DLC1: variants seen among roughly 807,000 people sequenced by gnomAD.
DLC1 encodes DLC1 Rho GTPase activating protein.
Under a neutral mutation model 140.3 loss-of-function variants are expected in DLC1, and 54 were observed. That is an observed-to-expected ratio of 0.38 (90% CI 0.31 to 0.48). The LOEUF (loss-of-function observed/expected upper bound fraction) is 0.48. Among genes scored for constraint, DLC1 ranks in the 20% least tolerant of loss-of-function variants. The probability of loss-of-function intolerance (pLI) is 0.96; values close to 1 mark genes in which losing one functional copy is unlikely to be tolerated. For synonymous variants in DLC1, 986 were observed against 728.1 expected (o/e 1.35, Z -5.70); for missense variants, 2,536 against 1,907.0 (o/e 1.33, Z -6.14).
chr8:13,200,666 A>G (rs564949969), intron 5 of DLC1, among the ~76,000 whole-genome samples: 1 of 151,902 alleles, frequency 6.6e-6, no homozygotes, highest in African/African-American at 2.4e-5. Context: ...CTGCAGTAGT[A>G]CAGTCATAAG....
At chr8:13,103,591 C>A (rs1819290337) in intron 7 of DLC1, among the ~76,000 whole-genome samples, 1 of 151,902 alleles carries the variant, frequency 6.6e-6, no homozygotes, top group African/African-American at 2.4e-5. Flanking sequence ...GTAATCCCAG[C>A]ACTTTGGGAG....
chr8:13,161,466 G>T (rs1412387664), intron 5 of DLC1, among the ~76,000 whole-genome samples: 1 of 151,952 alleles, frequency 6.6e-6, no homozygotes, highest in African/African-American at 2.4e-5. Flanking sequence ...CAGCCTCCCG[G>T]AGTAGCTGGG....
intron 5 of DLC1, among the ~76,000 whole-genome samples, chr8:13,265,617 T>G (rs1830653246): frequency 6.6e-6 from 1 of 152,072 alleles, no homozygotes; most frequent in Admixed American, 6.5e-5. Context: ...TGAGGCCGTT[T>G]ACCATCATCT....
chr8:13,371,136 T>G (rs1305241568), intron 4 of DLC1, among the ~76,000 whole-genome samples: 1 of 152,214 alleles, frequency 6.6e-6, no homozygotes, highest in Admixed American at 6.5e-5. Flanking sequence ...GTGGTCTTGT[T>G]TTTTTCCTTG....
At chr8:13,511,868 A>G (rs904754416) in intron 1 of DLC1, among the ~76,000 whole-genome samples, 3 of 152,148 alleles carry the variant, frequency 2.0e-5, no homozygotes, top group African/African-American at 7.2e-5. Flanking sequence ...GAAACAAAAA[A>G]CAAACAAAAG....
chr8:13,254,145 T>G (rs1342740726), intron 5 of DLC1, among the ~76,000 whole-genome samples: 1 of 150,766 alleles, frequency 6.6e-6, no homozygotes, highest in Non-Finnish European at 1.5e-5. Context: ...TCCTTCTCCC[T>G]CCTTTCCCCC....
intron 7 of DLC1, among the ~76,000 whole-genome samples, chr8:13,105,014 G>C (rs1420539536): frequency 6.6e-6 from 1 of 152,150 alleles, no homozygotes; most frequent in African/African-American, 2.4e-5. Flanking sequence ...TTAGGTCTGG[G>C]TTCCATTAAT....
intron 5 of DLC1, among the ~76,000 whole-genome samples, chr8:13,203,469 A>G (rs776084387): frequency 9.2e-5 from 14 of 152,214 alleles, no homozygotes; most frequent in Non-Finnish European, 1.8e-4. Flanking sequence ...AACCCTGGAA[A>G]GTTACCAAAA....
At chr8:13,417,701 TTTCTA>T (rs775763095) in intron 2 of DLC1, among the ~76,000 whole-genome samples, 26 of 152,300 alleles carry the variant, frequency 1.7e-4, no homozygotes, top group Middle Eastern at 3.4e-3. Context: ...AGCAGCATGA[TTTCTA>T]GTCCTTTGGG....
At chr8:13,272,394 T>G (rs1381036680) in intron 5 of DLC1, among the ~76,000 whole-genome samples, 1 of 151,900 alleles carries the variant, frequency 6.6e-6, no homozygotes. Context: ...TGAGCGGAGA[T>G]CATGCCACTG....
At chr8:13,352,982 A>C (rs1329482067) in intron 4 of DLC1, among the ~76,000 whole-genome samples, 2 of 152,192 alleles carry the variant, frequency 1.3e-5, no homozygotes, top group African/African-American at 4.8e-5. Context: ...TAACAAGCAA[A>C]GCCCTACCAT....
At chr8:13,471,375 C>G (rs1322630181) in intron 2 of DLC1, among the ~76,000 whole-genome samples, 1 of 151,366 alleles carries the variant, frequency 6.6e-6, no homozygotes, top group Non-Finnish European at 1.5e-5. Context: ...TTGATTGTGG[C>G]CATTATTCCA....
At chr8:13,430,986 A>G (rs1838835967) in intron 2 of DLC1, among the ~76,000 whole-genome samples, 2 of 152,228 alleles carry the variant, frequency 1.3e-5, no homozygotes, top group Admixed American at 1.3e-4. Flanking sequence ...AAAATTGAAA[A>G]CAACAAATGA....
At chr8:13,567,714 C>T (rs375292398) in intron 1 of DLC1, 2 of 1,551,946 alleles carry the variant, frequency 1.3e-6, no homozygotes, top group Admixed American at 2.0e-5. Context: ...AAGACTTTCT[C>T]ACCCGTATTG....
At chr8:13,125,022 G>A (rs1821432474) in intron 5 of DLC1, among the ~76,000 whole-genome samples, 2 of 150,490 alleles carry the variant, frequency 1.3e-5, no homozygotes, top group African/African-American at 2.5e-5. Flanking sequence ...TGTCACCCAC[G>A]CTGGAGTGCA....
chr8:13,596,836 A>G (rs1245953504), intron 1 of DLC1, among the ~76,000 whole-genome samples: 6 of 152,042 alleles, frequency 3.9e-5, no homozygotes, highest in African/African-American at 1.2e-4. Flanking sequence ...GTCATAGTCA[A>G]TGTCTTAATA....
chr8:13,418,370 C>T (rs1185798834), intron 2 of DLC1, among the ~76,000 whole-genome samples: 1 of 152,158 alleles, frequency 6.6e-6, no homozygotes, highest in African/African-American at 2.4e-5. Context: ...AGTCTTTAAT[C>T]CATCTTGAAT....
intron 5 of DLC1, among the ~76,000 whole-genome samples, chr8:13,241,055 G>GAGC (rs931739526): frequency 6.6e-6 from 1 of 152,150 alleles, no homozygotes; most frequent in African/African-American, 2.4e-5. Context: ...AAAAGAAGGG[G>GAGC]AGCAGCTGAG....
chr8:13,285,319 G>A (rs1351972033), intron 5 of DLC1, among the ~76,000 whole-genome samples: 3 of 152,082 alleles, frequency 2.0e-5, no homozygotes, highest in Non-Finnish European at 4.4e-5. Flanking sequence ...CAACAACTGG[G>A]GTGCTGGGGC....
Sources: gnomAD v4.1 joint callset for allele counts (sites outside exome capture counted in the v4.1 genomes callset) on GRCh38, gnomAD v4.1.1 for gene constraint, MANE v1.5 for transcripts, NCBI Gene and HGNC (gene_info 2026-07-23, HGNC 2026-07-21) for gene names.